PPP1R9A: variants seen among roughly 807,000 people sequenced by gnomAD.
PPP1R9A encodes the protein protein phosphatase 1 regulatory subunit 9A.
In PPP1R9A, 59 loss-of-function variants were observed where a neutral mutation model predicts 141.9. The ratio of observed to expected loss-of-function variants is 0.42; its 90% CI spans 0.34 to 0.52. The LOEUF is 0.52. Among genes scored for constraint, PPP1R9A ranks in the 20% least tolerant of loss-of-function variants. PPP1R9A has a pLI of 0.10. For synonymous variants in PPP1R9A, 500 were observed against 569.7 expected (o/e 0.88, Z 1.74); for missense variants, 1,444 against 1,611.9 (o/e 0.90, Z 1.78).
chr7:95,183,845 T>C (rs1490268648), intron 5 of PPP1R9A, among the ~76,000 whole-genome samples: 1 of 151,804 alleles, frequency 6.6e-6, no homozygotes, highest in Non-Finnish European at 1.5e-5. Context: ...CAGCTTTCTT[T>C]ATTTTAAAAA....
At chr7:95,278,616 G>A (rs552326423) in intron 16 of PPP1R9A, among the ~76,000 whole-genome samples, 24 of 151,544 alleles carry the variant, frequency 1.6e-4, no homozygotes, top group Non-Finnish European at 2.4e-4. Context: ...TCTACTCCTC[G>A]TTATTCCAAA....
chr7:95,248,309 T>G (rs1283506469), intron 9 of PPP1R9A, among the ~76,000 whole-genome samples: 2 of 143,004 alleles, frequency 1.4e-5, no homozygotes, highest in African/African-American at 2.6e-5. Flanking sequence ...ACTAATGATC[T>G]CTTTTGTTGT....
intron 5 of PPP1R9A, among the ~76,000 whole-genome samples, chr7:95,190,306 A>G (rs1156553567): frequency 1.3e-5 from 2 of 152,212 alleles, no homozygotes; most frequent in East Asian, 3.9e-4. Flanking sequence ...CTGGGTTTAG[A>G]CACCTAGCAG....
At chr7:95,262,030 T>G (rs898293335) in intron 12 of PPP1R9A, among the ~76,000 whole-genome samples, 4 of 152,204 alleles carry the variant, frequency 2.6e-5, no homozygotes, top group Non-Finnish European at 5.9e-5. Context: ...TAATCAAGGA[T>G]GCTATTGTAT....
At chr7:95,031,084 T>C (rs1316289789) in intron 2 of PPP1R9A, among the ~76,000 whole-genome samples, 1 of 152,140 alleles carries the variant, frequency 6.6e-6, no homozygotes, top group Non-Finnish European at 1.5e-5. Context: ...TGTGTGACTA[T>C]TGAATATCAA....
At chr7:95,086,553 T>C (rs1280208987) in intron 2 of PPP1R9A, among the ~76,000 whole-genome samples, 1 of 152,050 alleles carries the variant, frequency 6.6e-6, no homozygotes, top group African/African-American at 2.4e-5. Flanking sequence ...CTATAGAGTT[T>C]GTTGATTACT....
intron 2 of PPP1R9A, among the ~76,000 whole-genome samples, chr7:95,078,060 A>G (rs531648984): frequency 6.7e-6 from 1 of 150,246 alleles, no homozygotes; most frequent in East Asian, 2.0e-4. Context: ...TACATGTGCC[A>G]TGCTGGTGTG....
At chr7:95,170,718 G>C (rs1299078975) in intron 5 of PPP1R9A, among the ~76,000 whole-genome samples, 1 of 151,490 alleles carries the variant, frequency 6.6e-6, no homozygotes, top group African/African-American at 2.4e-5. Context: ...TATAAGAAAT[G>C]TCAGGGGAAG....
intron 5 of PPP1R9A, among the ~76,000 whole-genome samples, chr7:95,186,824 A>G (rs1212967970): frequency 2.0e-5 from 3 of 152,044 alleles, no homozygotes; most frequent in Non-Finnish European, 4.4e-5. Flanking sequence ...ATTGACTTGT[A>G]TATATTAAAT....
In PPP1R9A at chr7:95,290,681, A is replaced by G. The variant is rs972137563; in HGVS notation, c.*378A>G. The G allele has an allele frequency of 1.9e-5, 4 of 212,496 alleles. No homozygotes were observed. The highest frequency in any genetic ancestry group is 9.2e-5 in the African/African-American group (4 of 43,638). The allele number at this position is 212,496 out of a possible 1,614,324, so 13.2% of individuals were successfully genotyped here. A position where few individuals can be genotyped will look rare whatever the true frequency, so the allele number is the denominator to read the frequency against. On this transcript the variant is annotated 3_prime_UTR_variant, in exon 20 of 20. Transcript: ENST00000433360. ...TGTTAATGGAGCGCCGTGAATTTTC[A>G]GTGTGGGATCCTGAAATGGCAATTG...
At chr7:95,077,170 G>C (rs1398042359) in intron 2 of PPP1R9A, among the ~76,000 whole-genome samples, 1 of 152,046 alleles carries the variant, frequency 6.6e-6, no homozygotes, top group Non-Finnish European at 1.5e-5. Flanking sequence ...TGATTGTTAT[G>C]AGATAAATGT....
intron 2 of PPP1R9A, among the ~76,000 whole-genome samples, chr7:95,100,185 C>T (rs959797188): frequency 1.6e-4 from 24 of 151,826 alleles, no homozygotes; most frequent in Non-Finnish European, 1.0e-4. Context: ...TTTCGGAGGC[C>T]GAGGTGGGAG....
intron 4 of PPP1R9A, among the ~76,000 whole-genome samples, chr7:95,126,111 A>G (rs773781166): frequency 2.7e-4 from 41 of 152,040 alleles, no homozygotes; most frequent in Non-Finnish European, 5.1e-4. Flanking sequence ...TTTGATATGT[A>G]TTTTCACAAT....
chr7:94,990,223 A>G lies in PPP1R9A; in HGVS notation c.1395+78715A>G, dbSNP rs79166591. Among the ~76,000 whole-genome samples the G allele has an allele frequency of 3.7e-3, 569 of 152,290 alleles. 5 individuals carry two copies. The highest frequency in any genetic ancestry group is 0.013 in the African/African-American group (552 of 41,586). ...TCACAATGGTGGTGAGGGCATAAAG[A>G]TAAATGCATCACAGCTCTTGTGATG... On this transcript the variant is annotated intron_variant, in intron 2 of 19. Coordinates refer to ENST00000433360, the MANE Select transcript of PPP1R9A (RefSeq NM_001166160.2).
chr7:95,131,969 GT>G (rs537915106), intron 4 of PPP1R9A, among the ~76,000 whole-genome samples: 1 of 152,008 alleles, frequency 6.6e-6, no homozygotes. Context: ...ATGGAATTTT[GT>G]TCTTGCTTTA....
At chr7:95,253,852 T>G (rs1185274059) in intron 12 of PPP1R9A, among the ~76,000 whole-genome samples, 1 of 152,054 alleles carries the variant, frequency 6.6e-6, no homozygotes, top group African/African-American at 2.4e-5. Context: ...AAATTATAGT[T>G]TATATATAAT....
chr7:95,193,298 T>A (rs755282172), intron 5 of PPP1R9A, among the ~76,000 whole-genome samples: 44 of 152,104 alleles, frequency 2.9e-4, no homozygotes, highest in Non-Finnish European at 5.2e-4. Context: ...AACATTACAC[T>A]TTTAAAAGTG....
chr7:95,158,193 G>A (rs1425158744), intron 4 of PPP1R9A, among the ~76,000 whole-genome samples: 2 of 151,990 alleles, frequency 1.3e-5, no homozygotes, highest in Admixed American at 6.6e-5. Context: ...GACATATATT[G>A]CACTACTTAA....
chr7:95,262,089 A>AAT (rs1800514656), intron 12 of PPP1R9A, among the ~76,000 whole-genome samples: 1 of 152,180 alleles, frequency 6.6e-6, no homozygotes, highest in African/African-American at 2.4e-5. Context: ...GGGGTTACCT[A>AAT]ATATCCATAG....
Sources: allele counts gnomAD v4.1 joint callset (sites outside exome capture counted in the v4.1 genomes callset), GRCh38; gene constraint gnomAD v4.1.1; transcripts MANE v1.5; gene names NCBI Gene and HGNC (gene_info 2026-07-23, HGNC 2026-07-21).